RFC3: variants seen among roughly 807,000 people sequenced by gnomAD.
The protein encoded by RFC3 is A1 38 kDa subunit.
A neutral mutation model predicts 45.1 loss-of-function variants in RFC3; 41 were observed. The observed-to-expected ratio is 0.91, with a 90% CI of 0.71 to 1.18. The LOEUF (loss-of-function observed/expected upper bound fraction) is 1.18, where lower values mean the gene tolerates loss of function less well. Among genes scored for constraint, RFC3 ranks in the 50% most tolerant of loss-of-function variants. RFC3 has a pLI of 0.00. For missense variants in RFC3, 423 were observed against 428.1 expected, an observed-to-expected ratio of 0.99 and a Z score of 0.10; for synonymous variants, 149 against 144.0, an observed-to-expected ratio of 1.03 and a Z score of -0.25.
At chr13:33,857,753 T>G (rs1172728580) in intron 8 of RFC3, among the ~76,000 whole-genome samples, 1 of 152,208 alleles carries the variant, frequency 6.6e-6, no homozygotes, top group East Asian at 1.9e-4. Context: ...GTTCAGCACT[T>G]ATTGTATATT....
intron 8 of RFC3, among the ~76,000 whole-genome samples, chr13:33,868,589 G>A (rs1185299744): frequency 6.6e-6 from 1 of 152,108 alleles, no homozygotes; most frequent in Non-Finnish European, 1.5e-5. Flanking sequence ...GACTGGCTGT[G>A]GGCCACTCCT....
At chr13:33,862,170 A>C (rs1024062457) in intron 8 of RFC3, among the ~76,000 whole-genome samples, 6 of 151,904 alleles carry the variant, frequency 3.9e-5, no homozygotes, top group African/African-American at 1.4e-4. Flanking sequence ...TCAGGTCTCT[A>C]GCCCTGTCGG....
intron 4 of RFC3, among the ~76,000 whole-genome samples, chr13:33,828,949 T>A (rs1262049377): frequency 6.6e-6 from 1 of 152,220 alleles, no homozygotes; most frequent in Admixed American, 6.5e-5. Flanking sequence ...CCGTTGCTGA[T>A]ACTATGTGGG....
downstream of RFC3, among the ~76,000 whole-genome samples, chr13:33,969,298 C>T (rs573796706): frequency 1.3e-5 from 2 of 152,330 alleles, no homozygotes; most frequent in Admixed American, 6.5e-5. Context: ...CAAAACTTGA[C>T]ACGCCACCCT....
chr13:33,899,228 A>AAAAAAAAAAAAAC, intron 8 of RFC3, among the ~76,000 whole-genome samples: 1 of 143,348 alleles, frequency 7.0e-6, no homozygotes, highest in African/African-American at 2.7e-5. Flanking sequence ...AAAAAAAAAA[A>AAAAAAAAAAAAAC]AGAACAAAAT....
At chr13:33,859,769 T>C (rs970085910) in intron 8 of RFC3, among the ~76,000 whole-genome samples, 6 of 152,212 alleles carry the variant, frequency 3.9e-5, no homozygotes, top group African/African-American at 1.4e-4. Context: ...CACTTCTGTC[T>C]GGGCATGCCA....
intron 6 of RFC3, among the ~76,000 whole-genome samples, 200 bp from the exon 7 acceptor site, chr13:33,831,056 C>T (rs1473226079): frequency 4.0e-5 from 6 of 151,896 alleles, no homozygotes; most frequent in Non-Finnish European, 7.4e-5. Flanking sequence ...GTTCACAATA[C>T]GGTTCACGCT....
At chr13:33,961,231 C>G (rs1004259768) in intron 8 of RFC3, among the ~76,000 whole-genome samples, 2 of 152,108 alleles carry the variant, frequency 1.3e-5, no homozygotes, top group African/African-American at 4.8e-5. Flanking sequence ...ATTTCTTCCA[C>G]GGCCACATTT....
chr13:33,949,419 A>G (rs912123776), intron 8 of RFC3, among the ~76,000 whole-genome samples: 7 of 152,332 alleles, frequency 4.6e-5, no homozygotes, highest in Middle Eastern at 3.4e-3. Context: ...CACGTTTTCC[A>G]AAATCAGCAA....
chr13:33,853,390 CAG>C (rs2082289207), intron 8 of RFC3, among the ~76,000 whole-genome samples: 1 of 152,138 alleles, frequency 6.6e-6, no homozygotes. Context: ...CCCCTTGAGA[CAG>C]AAAATCAACT....
intron 8 of RFC3, among the ~76,000 whole-genome samples, chr13:33,927,234 TAAAAAA>T (rs112241029): frequency 7.1e-6 from 1 of 141,102 alleles, no homozygotes; most frequent in African/African-American, 2.5e-5. Context: ...TTAAAGCAGT[TAAAAAA>T]AAAAAAAAGA....
At chr13:33,834,328 A>ATATATATATATATATATATC (rs2082132381) in intron 7 of RFC3, among the ~76,000 whole-genome samples, 1 of 114,228 alleles carries the variant, frequency 8.8e-6, no homozygotes, top group African/African-American at 3.1e-5. Context: ...ATATATATAT[A>ATATATATATATATATATATC]TATCTGTACT....
At chr13:33,916,024 CTT>C (rs895265228) in intron 8 of RFC3, among the ~76,000 whole-genome samples, 8 of 152,144 alleles carry the variant, frequency 5.3e-5, no homozygotes, top group Non-Finnish European at 8.8e-5. Flanking sequence ...ATCTCAAACT[CTT>C]GACCTCAGGT....
chr13:33,839,207 T>G (rs375982874), downstream of RFC3, among the ~76,000 whole-genome samples: 11 of 152,344 alleles, frequency 7.2e-5, no homozygotes, highest in East Asian at 1.9e-3. Context: ...TTAACCCCTC[T>G]GTGGTTCTTC....
chr13:33,945,970 T>A (rs1238828827), intron 8 of RFC3, among the ~76,000 whole-genome samples: 1 of 152,232 alleles, frequency 6.6e-6, no homozygotes, highest in East Asian at 1.9e-4. Context: ...TTTTGCTTTC[T>A]GATCTTACTG....
chr13:33,887,650 A>G (rs1187962007), intron 8 of RFC3, among the ~76,000 whole-genome samples: 2 of 152,072 alleles, frequency 1.3e-5, no homozygotes, highest in Admixed American at 1.3e-4. Context: ...TTAGATGTCA[A>G]TTTTGGCTTT....
At chr13:33,829,799 C>T in intron 4 of RFC3, 37 bp from the exon 5 acceptor site, 1 of 1,553,408 alleles carries the variant, frequency 6.4e-7, no homozygotes, top group East Asian at 2.2e-5. Context: ...TTTGAGTGAA[C>T]TCAAGTTAAA....
At chr13:33,822,350 A>T (rs906338901) in intron 2 of RFC3, among the ~76,000 whole-genome samples, 1 of 152,218 alleles carries the variant, frequency 6.6e-6, no homozygotes, top group Non-Finnish European at 1.5e-5. Flanking sequence ...ATAAATTTCT[A>T]TGAAATTCTA....
intron 8 of RFC3, among the ~76,000 whole-genome samples, chr13:33,907,913 T>A (rs1363851704): frequency 6.6e-6 from 1 of 152,032 alleles, no homozygotes; most frequent in African/African-American, 2.4e-5. Context: ...TATTTGGGAA[T>A]AACCTCATTA....
Sources: allele counts gnomAD v4.1 joint callset (sites outside exome capture counted in the v4.1 genomes callset), GRCh38; gene constraint gnomAD v4.1.1; transcripts MANE v1.5; gene names NCBI Gene and HGNC (gene_info 2026-07-23, HGNC 2026-07-21).